The following KLRG2 variants were observed in gnomAD, a reference collection of about 807,000 sequenced individuals.
The protein encoded by KLRG2 is killer cell lectin like receptor G2.
In KLRG2, 39 loss-of-function variants were observed where a neutral mutation model predicts 35.4. The observed-to-expected ratio is 1.10, with a 90% confidence interval of 0.85 to 1.44. The LOEUF is 1.44. KLRG2 is among the 40% of genes most tolerant of loss of function. The pLI, the probability that KLRG2 is intolerant of heterozygous loss-of-function variation, is 0.00. For synonymous variants in KLRG2, 283 were observed against 265.8 expected (o/e 1.06, Z -0.63); for missense variants, 632 against 570.9 (o/e 1.11, Z -1.09).
chr7:139,441,893 GAAT>G, the KLRG2 span, among the ~76,000 whole-genome samples: 47 of 152,286 alleles, frequency 3.1e-4, 1 homozygote, highest in East Asian at 7.7e-3. Context: ...AAAAATGTCA[GAAT>G]AATGCTGCTT....
chr7:139,458,001 A>G (rs1172043919), intron 3 of KLRG2, among the ~76,000 whole-genome samples: 1 of 152,218 alleles, frequency 6.6e-6, no homozygotes, highest in Non-Finnish European at 1.5e-5. Flanking sequence ...AGCAGAATGG[A>G]CTGAAAATCT....
At chr7:139,441,700 G>C in the KLRG2 span, among the ~76,000 whole-genome samples, 1 of 152,072 alleles carries the variant, frequency 6.6e-6, no homozygotes, top group Non-Finnish European at 1.5e-5. Flanking sequence ...TGAGCCCAGG[G>C]AGGTAGAGAT....
the KLRG2 span, among the ~76,000 whole-genome samples, chr7:139,432,749 C>T: frequency 1.5e-3 from 231 of 152,214 alleles, 1 homozygote; most frequent in Non-Finnish European, 2.9e-3. Flanking sequence ...CTTTAAGTCA[C>T]CTCTACATTG....
At chr7:139,428,243 C>A in the KLRG2 span, among the ~76,000 whole-genome samples, 2 of 151,962 alleles carry the variant, frequency 1.3e-5, no homozygotes, top group Non-Finnish European at 2.9e-5. Context: ...ATAGGAGTTA[C>A]CATTTTTTGT....
the KLRG2 span, among the ~76,000 whole-genome samples, chr7:139,445,795 G>GTA: frequency 2.2e-5 from 2 of 92,106 alleles, no homozygotes; most frequent in African/African-American, 1.7e-4. Flanking sequence ...ATATATATGT[G>GTA]TGTATATATA....
At chr7:139,460,186 G>C (rs906832478) in intron 3 of KLRG2, among the ~76,000 whole-genome samples, 1 of 151,140 alleles carries the variant, frequency 6.6e-6, no homozygotes, top group African/African-American at 2.4e-5. Context: ...GGGCCCTCCA[G>C]CAGATTTTTA....
At chr7:139,446,359 T>C in the KLRG2 span, among the ~76,000 whole-genome samples, 112 of 140,532 alleles carry the variant, frequency 8.0e-4, no homozygotes, top group Middle Eastern at 3.5e-3. Flanking sequence ...TTTTTTTTTT[T>C]TTAAGAGAGA....
the KLRG2 span, among the ~76,000 whole-genome samples, chr7:139,432,083 C>T: frequency 3.9e-5 from 6 of 152,018 alleles, no homozygotes; most frequent in South Asian, 2.1e-4. Context: ...TGACCAGGCA[C>T]GGTGCCTCAC....
chr7:139,478,669 A>G (rs1796899099), intron 3 of KLRG2, among the ~76,000 whole-genome samples: 1 of 152,014 alleles, frequency 6.6e-6, no homozygotes, highest in Non-Finnish European at 1.5e-5. Flanking sequence ...GACACAACAC[A>G]TAAATAAATA....
At chr7:139,455,499 T>C (rs1165454950) in intron 3 of KLRG2, among the ~76,000 whole-genome samples, 1 of 151,956 alleles carries the variant, frequency 6.6e-6, no homozygotes, top group African/African-American at 2.4e-5. Flanking sequence ...TTTTTTGTAT[T>C]TTTAGTAGAG....
At chr7:139,432,355 AAAAAAG>A in the KLRG2 span, among the ~76,000 whole-genome samples, 13 of 151,926 alleles carry the variant, frequency 8.6e-5, no homozygotes, top group Admixed American at 6.6e-4. Flanking sequence ...TCTGTCTTTG[AAAAAAG>A]AAAAAGAAAA....
At chr7:139,464,383 C>G (rs748676045) in intron 3 of KLRG2, among the ~76,000 whole-genome samples, 4 of 152,218 alleles carry the variant, frequency 2.6e-5, no homozygotes, top group Non-Finnish European at 5.9e-5. Context: ...TTTACCTGTC[C>G]TAAAACCAGA....
chr7:139,451,914 C>G (rs188086820), downstream of KLRG2, among the ~76,000 whole-genome samples: 5 of 151,810 alleles, frequency 3.3e-5, no homozygotes, highest in Non-Finnish European at 5.9e-5. Flanking sequence ...TTGATTGGCG[C>G]CTGCCCCACG....
At chr7:139,461,791 C>T (rs1796573940) in intron 3 of KLRG2, among the ~76,000 whole-genome samples, 1 of 152,124 alleles carries the variant, frequency 6.6e-6, no homozygotes, top group Non-Finnish European at 1.5e-5. Flanking sequence ...CCGCCTGCAC[C>T]CAGGTTAAAT....
At chr7:139,428,229 G>C in the KLRG2 span, among the ~76,000 whole-genome samples, 1 of 152,110 alleles carries the variant, frequency 6.6e-6, no homozygotes, top group Non-Finnish European at 1.5e-5. Flanking sequence ...AAATAACATG[G>C]TATATAGGAG....
At chr7:139,439,505 G>A in the KLRG2 span, among the ~76,000 whole-genome samples, 1 of 152,200 alleles carries the variant, frequency 6.6e-6, no homozygotes, top group Non-Finnish European at 1.5e-5. Context: ...CAAGGGCCTT[G>A]TGTGCATGAT....
At chr7:139,479,158 C>T (rs1796909139) in intron 3 of KLRG2, among the ~76,000 whole-genome samples, 2 of 152,190 alleles carry the variant, frequency 1.3e-5, no homozygotes, top group African/African-American at 4.8e-5. Context: ...TCTCGGCTCA[C>T]TGCAACCTCT....
At chr7:139,445,795 G>GTATATATATATATATATATA in the KLRG2 span, among the ~76,000 whole-genome samples, 1 of 92,084 alleles carries the variant, frequency 1.1e-5, no homozygotes, top group Admixed American at 9.5e-5. Context: ...ATATATATGT[G>GTATATATATATATATATATA]TGTATATATA....
At chr7:139,474,452 T>C (rs1796814010) in intron 3 of KLRG2, among the ~76,000 whole-genome samples, 1 of 152,162 alleles carries the variant, frequency 6.6e-6, no homozygotes. Context: ...TCTATCTCCA[T>C]ATCTCTATCT....
Sources: allele counts gnomAD v4.1 joint callset (sites outside exome capture counted in the v4.1 genomes callset), GRCh38; gene constraint gnomAD v4.1.1; transcripts MANE v1.5; gene names NCBI Gene and HGNC (gene_info 2026-07-23, HGNC 2026-07-21).